RFC3: variants seen among roughly 807,000 people sequenced by gnomAD.
RFC3 encodes replication factor C subunit 3, also known as A1 38 kDa subunit.
A neutral mutation model predicts 45.1 loss-of-function variants in RFC3; 41 were observed. That is an observed-to-expected ratio of 0.91 (90% CI 0.71 to 1.18). The LOEUF (loss-of-function observed/expected upper bound fraction) is 1.18. RFC3 is among the 50% of genes most tolerant of loss of function. The pLI is 0.00. For missense variants in RFC3, 423 were observed against 428.1 expected (o/e 0.99, Z 0.10); for synonymous variants, 149 against 144.0 (o/e 1.03, Z -0.25).
At chr13:33,857,977 A>G (rs143012206) in intron 8 of RFC3, among the ~76,000 whole-genome samples, 364 of 152,330 alleles carry the variant, frequency 2.4e-3, no homozygotes, top group Middle Eastern at 0.014. Context: ...CGTATTTTTA[A>G]CAGAGGGACT....
intron 8 of RFC3, among the ~76,000 whole-genome samples, chr13:33,957,101 G>C (rs1024632577): frequency 6.6e-6 from 1 of 151,930 alleles, no homozygotes; most frequent in Non-Finnish European, 1.5e-5. Context: ...TTATGCTTCT[G>C]TATATATACA....
At chr13:33,903,452 GT>G (rs2082653802) in intron 8 of RFC3, among the ~76,000 whole-genome samples, 1 of 151,988 alleles carries the variant, frequency 6.6e-6, no homozygotes, top group African/African-American at 2.4e-5. Context: ...ATTACCTTTT[GT>G]TTTAAGTGAA....
In RFC3 at chr13:33,947,010, G is replaced by A. The variant is rs192809768; in HGVS notation, c.880-19077G>A. On this transcript the variant is annotated intron_variant, in intron 8 of 8. Coordinates refer to the RFC3 transcript ENST00000434425. ...ATGCATATCTGCTAAATGATGACAT[G>A]TGTTCATTTTATGATGTCTTAAACC... Among the ~76,000 whole-genome samples the A allele has an allele frequency of 5.3e-5, 8 of 152,262 alleles. No homozygotes were observed. In the East Asian group the frequency reaches 1.2e-3, roughly 22 times the overall value.
intron 4 of RFC3, among the ~76,000 whole-genome samples, chr13:33,826,684 A>G (rs1193844789): frequency 7.0e-6 from 1 of 142,920 alleles, no homozygotes; most frequent in African/African-American, 2.8e-5. Flanking sequence ...AACATATCCT[A>G]CTTTTATATC....
At chr13:33,882,852 A>G (rs2082494373) in intron 8 of RFC3, among the ~76,000 whole-genome samples, 1 of 152,224 alleles carries the variant, frequency 6.6e-6, no homozygotes, top group Non-Finnish European at 1.5e-5. Flanking sequence ...AATGTTTTAT[A>G]AGTGGGATCA....
chr13:33,927,968 C>A (rs140822168), intron 8 of RFC3, among the ~76,000 whole-genome samples: 1 of 152,086 alleles, frequency 6.6e-6, no homozygotes, highest in Non-Finnish European at 1.5e-5. Flanking sequence ...TAACATCTAC[C>A]ATGGGCAAGG....
At chr13:33,951,274 C>T (rs2137832460) in intron 8 of RFC3, among the ~76,000 whole-genome samples, 1 of 150,466 alleles carries the variant, frequency 6.6e-6, no homozygotes, top group South Asian at 2.1e-4. Context: ...GCTCTGTTGC[C>T]CAGGCTGGAG....
intron 8 of RFC3, among the ~76,000 whole-genome samples, chr13:33,878,030 A>G (rs932811404): frequency 2.0e-5 from 3 of 151,932 alleles, no homozygotes; most frequent in African/African-American, 7.2e-5. Flanking sequence ...CAGCTATACC[A>G]TGAGTGTAAT....
chr13:33,818,339 C>A, intron 1 of RFC3, 74 bp downstream of exon 1: 1 of 1,206,496 alleles, frequency 8.3e-7, no homozygotes, highest in Non-Finnish European at 1.2e-6. Context: ...CCCTGAGGAG[C>A]AGTGCTTCTC....
chr13:33,936,567 A>G (rs2082887720), intron 8 of RFC3, among the ~76,000 whole-genome samples: 1 of 152,186 alleles, frequency 6.6e-6, no homozygotes, highest in Admixed American at 6.5e-5. Flanking sequence ...AGTTGGAAGC[A>G]CACACAGGGA....
intron 8 of RFC3, among the ~76,000 whole-genome samples, chr13:33,879,779 A>G (rs2082470759): frequency 6.6e-6 from 1 of 152,200 alleles, no homozygotes; most frequent in South Asian, 2.1e-4. Flanking sequence ...TGGAGTGTAG[A>G]AGTCCGCGCT....
At position 33,910,497 on chromosome 13, in the gene RFC3, T is replaced by G. The variant is rs975695965; in HGVS notation, c.880-55590T>G. On this transcript the variant is annotated intron_variant, in intron 8 of 8. Coordinates refer to the RFC3 transcript ENST00000434425. ...GAAGTAAACCAACAACAGAGAACAG[T>G]GTAACAAATGTCAGTGCAGGGAAGC... Among the ~76,000 whole-genome samples the G allele has an allele frequency of 5.3e-5, 8 of 151,980 alleles. No homozygotes were observed. In the South Asian group the frequency reaches 1.5e-3, roughly 28 times the overall value.
At position 33,875,662 on chromosome 13, in the gene RFC3, A is replaced by G. The variant is rs79637724; in HGVS notation, c.879+40445A>G. Among the ~76,000 whole-genome samples, 1,249 of 152,180 alleles carry G rather than the reference A, an allele frequency of 8.2e-3. 10 individuals carry two copies. The highest frequency in any genetic ancestry group is 0.029 in the African/African-American group (1,200 of 41,520). The stretch of plus-strand genomic sequence containing the variant: ...TCTTTCTTACCCTCCTCCAACCAGC[A>G]TGATCCCAATTCACCTCAGGTTTCA... On this transcript the variant is annotated intron_variant, in intron 8 of 8. Transcript: ENST00000434425.
At chr13:33,945,144 C>G (rs2082947227) in intron 8 of RFC3, among the ~76,000 whole-genome samples, 1 of 152,196 alleles carries the variant, frequency 6.6e-6, no homozygotes, top group East Asian at 1.9e-4. Flanking sequence ...CCCAGCTCAT[C>G]TCTATGGCCT....
chr13:33,942,177 G>A (rs61438861), intron 8 of RFC3, among the ~76,000 whole-genome samples: 3,536 of 151,910 alleles, frequency 0.023, 123 homozygotes, highest in African/African-American at 0.077. Context: ...GTTTGTTTCT[G>A]TATCCTATTT....
chr13:33,881,601 C>T (rs973661828), intron 8 of RFC3, among the ~76,000 whole-genome samples: 1 of 152,094 alleles, frequency 6.6e-6, no homozygotes, highest in African/African-American at 2.4e-5. Context: ...GTTGTCTCCT[C>T]TCGGGGGCTA....
chr13:33,873,194 G>C (rs1391811643), intron 8 of RFC3, among the ~76,000 whole-genome samples: 1 of 152,212 alleles, frequency 6.6e-6, no homozygotes, highest in Admixed American at 6.5e-5. Context: ...GCCAAGTTTA[G>C]AGGGGGTTGT....
chr13:33,895,555 G>A (rs533145676), intron 8 of RFC3, among the ~76,000 whole-genome samples: 1 of 152,248 alleles, frequency 6.6e-6, no homozygotes, highest in Admixed American at 6.5e-5. Context: ...GTAAATTAGT[G>A]TAACCTCTAT....
intron 8 of RFC3, among the ~76,000 whole-genome samples, chr13:33,937,234 A>G (rs1264529989): frequency 1.3e-5 from 2 of 152,202 alleles, no homozygotes; most frequent in Admixed American, 1.3e-4. Context: ...TTCTGTTACA[A>G]TTGCCGATAA....
Sources: allele counts gnomAD v4.1 joint callset (sites outside exome capture counted in the v4.1 genomes callset), GRCh38; gene constraint gnomAD v4.1.1; transcripts MANE v1.5; gene names NCBI Gene and HGNC (gene_info 2026-07-23, HGNC 2026-07-21).